The following TTN variants were observed in gnomAD, a reference collection of about 807,000 sequenced individuals.
The protein encoded by TTN is connectin.
A neutral mutation model predicts 3,223.0 loss-of-function variants in TTN; 1,525 were observed. The ratio of observed to expected loss-of-function variants is 0.47; its 90% CI spans 0.45 to 0.49. The LOEUF (loss-of-function observed/expected upper bound fraction) is 0.49. Ranked by LOEUF, TTN falls within the 20% of genes least tolerant of loss-of-function variation. TTN has a pLI of 0.00. For synonymous variants in TTN, 14,094 were observed against 15,161.0 expected, an observed-to-expected ratio of 0.93 and a Z score of 5.17; for missense variants, 40,786 against 43,424.0, an observed-to-expected ratio of 0.94 and a Z score of 5.40.
chr2:178,799,901 T>C lies in TTN; in HGVS notation c.593A>G (p.Glu198Gly). 1 of 1,613,968 alleles carries C rather than the reference T, an allele frequency of 6.2e-7. No individual in the cohort carries two copies. Among genetic ancestry groups the C allele is most frequent in the Non-Finnish European group, 8.5e-7 (1 of 1,179,920 alleles). ...TGTCTTTGTCTTTTTAGCAGGTACT[T>C]CTTCTTCACCTGTGGGAAGGGAAAG... ...TAELLVQGEE[E>G]VPAKKTKTIV... Residue 198 changes from glutamate to glycine, a missense_variant, in exon 5 of 363, where the codon GAA becomes GGA. By Grantham distance (98) the Glu-to-Gly change is moderately conservative. Transcript: ENST00000589042.
At position 178,721,101 on chromosome 2, in the gene TTN, C is replaced by T. The variant is rs1245374725; in HGVS notation, c.22918G>A (p.Val7640Ile). 1.9e-6 allele frequency: 3 copies of T among 1,613,344 alleles called. No homozygotes were observed. The highest frequency in any genetic ancestry group is 1.3e-5 in the African/African-American group (1 of 75,020). ...CKISGSPEIK[V>I]SWFRNDSELH... ...TCGCTGTCATTTCGGAACCATGAAA[C>T]TTTGATTTCTGGGGAGCCACTTATT... The change falls in exon 79 of 363, where the codon GTT becomes ATT. Residue 7640 changes from valine (V) to isoleucine (I), a missense_variant. By Grantham distance (29) the Val-to-Ile change is conservative. Coordinates refer to ENST00000589042, the MANE Select transcript of TTN (RefSeq NM_001267550.2).
chr2:178,701,447 C>G, intron 110 of TTN, 81 bp downstream of exon 110: 1 of 1,424,218 alleles, frequency 7.0e-7, no homozygotes, highest in Non-Finnish European at 9.6e-7. Context: ...GCAGTTTGGT[C>G]GCTGGTATAA....
intron 349 of TTN, 95 bp downstream of exon 349, chr2:178,542,169 T>C (rs2555811): frequency 7.8e-7 from 1 of 1,281,056 alleles, no homozygotes; most frequent in Non-Finnish European, 1.1e-6. Flanking sequence ...TGTGACCTAT[T>C]TTTATTTACA....
chr2:178,670,220 T>G lies in TTN; in HGVS notation c.35384A>C (p.Lys11795Thr), dbSNP rs890825956. The G allele has an allele frequency of 2.0e-6, 3 of 1,465,200 alleles. No homozygotes were observed. Among genetic ancestry groups the G allele is most frequent in the African/African-American group, 2.9e-5 (2 of 68,138 alleles). 90.8% of individuals were successfully genotyped at this position (1,465,200 alleles called of 1,614,324 possible). ...VPEEPRVPPT[K>T]APEVPKKIVP... Reference sequence around the variant, plus strand: ...GATGAATGAGAAAAGCCAGTTACCTTTAGTTGGTGGAACTCTGGGCTCTTC... The same window carrying G: ...GATGAATGAGAAAAGCCAGTTACCTGTAGTTGGTGGAACTCTGGGCTCTTC... Residue 11795 changes from lysine (K) to threonine (T), a missense_variant and splice_region_variant, in exon 157 of 363, where the codon AAA becomes ACA. Coordinates refer to ENST00000589042, the MANE Select transcript of TTN (RefSeq NM_001267550.2).
In TTN at chr2:178,566,301, T is replaced by C. The variant is rs745409995; in HGVS notation, c.79831A>G (p.Arg26611Gly). The part of the protein sequence containing the change: ...GIVVRAGGSA[R>G]IHIPFKGRPT... Reference sequence around the variant, plus strand: ...CGACCTTTGAATGGAATGTGAATTCTGGCAGATCCACCAGCTCTTACAACA... The same window carrying C: ...CGACCTTTGAATGGAATGTGAATTCCGGCAGATCCACCAGCTCTTACAACA... Residue 26611 changes from arginine to glycine, a missense_variant, in exon 326 of 363, where the codon AGA becomes GGA. Coordinates refer to ENST00000589042, the MANE Select transcript of TTN (RefSeq NM_001267550.2). The C allele has an allele frequency of 3.4e-5, 55 of 1,613,710 alleles. No individual in the cohort carries two copies. Among genetic ancestry groups the C allele is most frequent in the Non-Finnish European group, 4.7e-5 (55 of 1,179,700 alleles).
In TTN at chr2:178,578,576, A is replaced by G. The variant is rs757547039; in HGVS notation, c.68329+35T>C. The G allele has an allele frequency of 3.4e-6, 5 of 1,480,062 alleles. No individual in the cohort carries two copies. In the South Asian group the frequency reaches 5.9e-5, roughly 17 times the overall value. The allele number at this position is 1,480,062 out of a possible 1,614,324, so 91.7% of individuals were successfully genotyped here. A position where few individuals can be genotyped will look rare whatever the true frequency, so the allele number is the denominator to read the frequency against. ...AGGGAAATATTTGTGAGGAATCTTG[A>G]TGTAAAAGCTGTAGGATAAGAACAA... On this transcript the variant is annotated intron_variant, in intron 321 of 362. Transcript: ENST00000589042.
Position 178,562,717 on chromosome 2 carries a change from T to G in TTN, c.83415A>C (p.Lys27805Asn), listed in dbSNP as rs774475131. ...CATAGGCTTTTCTTGTAGTTTCTCG[T>G]TTTTCGACAATGTAGTTTGTAATCT... is the stretch of plus-strand genomic sequence containing the variant. ...GAKITNYIVE[K>N]RETTRKAYAT... The change falls in exon 326 of 363, where the codon AAA becomes AAC. Residue 27805 changes from lysine (K) to asparagine (N), a missense_variant. Transcript: ENST00000589042. 6.3e-7 allele frequency: 1 copy of G among 1,599,450 alleles called. No individual in the cohort carries two copies. The highest frequency in any genetic ancestry group is 1.1e-5 in the South Asian group (1 of 88,108).
chr2:178,695,349 T>G lies in TTN; in HGVS notation c.31269A>C (p.Lys10423Asn). ...ATTTAAATATTTCTAATTACTTACCTTTAGGAGGTGGTGGTGCTTTCTTTT... is the reference window on the plus strand; with the variant it reads ...ATTTAAATATTTCTAATTACTTACCGTTAGGAGGTGGTGGTGCTTTCTTTT... ...VPEKKAPPPP[K>N]VIKKPVIEKI... The change falls in exon 115 of 363, where the codon AAA becomes AAC. Residue 10423 changes from lysine (K) to asparagine (N), a missense_variant and splice_region_variant. Transcript: ENST00000589042. The G allele has an allele frequency of 6.2e-7, 1 of 1,611,160 alleles. No individual in the cohort carries two copies.
Position 178,577,802 on chromosome 2 carries a change from C to T in TTN, c.68624G>A (p.Gly22875Glu). 1 of 1,611,600 alleles carries T rather than the reference C, an allele frequency of 6.2e-7. No homozygotes were observed. The highest frequency in any genetic ancestry group is 8.5e-7 in the Non-Finnish European group (1 of 1,179,030). Residue 22875 changes from glycine (G) to glutamate (E), a missense_variant, in exon 323 of 363, where the codon GGA (glycine) becomes GAA (glutamate). By Grantham distance (98) the Gly-to-Glu change is moderately conservative. Transcript: ENST00000589042. ...TAGATCTCGCTTCTCCACTATATATCCAGTTAACTTATGACCACCGTCATA... is the reference window on the plus strand; with the variant it reads ...TAGATCTCGCTTCTCCACTATATATTCAGTTAACTTATGACCACCGTCATA... The part of the protein sequence containing the change: ...PKYDGGHKLT[G>E]YIVEKRDLPS...
intron 127 of TTN, among the ~76,000 whole-genome samples, chr2:178,686,604 T>C (rs2070997407): frequency 6.6e-6 from 1 of 151,844 alleles, no homozygotes. Flanking sequence ...TTTTGTAGAA[T>C]GGGGCTTGCT....
At chr2:178,749,880 C>T in intron 47 of TTN, 2 of 1,612,950 alleles carry the variant, frequency 1.2e-6, no homozygotes, top group Non-Finnish European at 1.7e-6. Context: ...ATGATGGAAT[C>T]CCCTTCTCTA....
At chr2:178,793,749 G>A (rs1174772593) in intron 8 of TTN, among the ~76,000 whole-genome samples, 2 of 152,122 alleles carry the variant, frequency 1.3e-5, no homozygotes, top group African/African-American at 2.4e-5. Flanking sequence ...GCAGTGAGCG[G>A]AGGTCATGCC....
chr2:178,729,341 A>G lies in TTN; in HGVS notation c.18815T>C (p.Ile6272Thr), dbSNP rs1274096400. ...DPSDTGEYQC[I>T]VSNEGGSCSC... ...GCAGCTGCCGCCTTCATTGGATACAATGCACTGGTATTCCCCAGTGTCTGA... is the reference window on the plus strand; with the variant it reads ...GCAGCTGCCGCCTTCATTGGATACAGTGCACTGGTATTCCCCAGTGTCTGA... The change falls in exon 64 of 363, where the codon ATT becomes ACT. Residue 6272 changes from isoleucine (I) to threonine (T), a missense_variant. Physicochemically the swap from Ile to Thr is moderately conservative, Grantham distance 89. Coordinates refer to ENST00000589042, the MANE Select transcript of TTN (RefSeq NM_001267550.2). The G allele has an allele frequency of 6.2e-7, 1 of 1,613,436 alleles. No individual in the cohort carries two copies. The highest frequency in any genetic ancestry group is 1.3e-5 in the African/African-American group (1 of 74,902).
intron 69 of TTN, chr2:178,726,310 C>T (rs950860484): frequency 2.6e-5 from 8 of 308,600 alleles, no homozygotes; most frequent in Admixed American, 4.9e-5. Flanking sequence ...ACTGATGTAT[C>T]TTAGGCTACA....
chr2:178,630,391 T>C, intron 238 of TTN, 24 bp from the exon 239 acceptor site: 1 of 1,576,826 alleles, frequency 6.3e-7, no homozygotes. Flanking sequence ...ACAGAAAAAC[T>C]TTCATAGAAA....
chr2:178,711,914 A>T (rs1050100884), intron 96 of TTN, 30 bp downstream of exon 96: 19 of 1,530,076 alleles, frequency 1.2e-5, no homozygotes, highest in Admixed American at 4.1e-5. Context: ...AGAAACACAA[A>T]TTCGTTCACT....
chr2:178,566,640 C>G lies in TTN; in HGVS notation c.79492G>C (p.Asp26498His), dbSNP rs1705981523. ...PGPPTNAHIV[D>H]TTKNSITLAW... ...AGTGTGATTGAATTTTTAGTGGTGT[C>G]TACAATGTGTGCATTGGTAGGTGGG... Residue 26498 changes from aspartate to histidine, a missense_variant, in exon 326 of 363, where the codon GAC becomes CAC. Transcript: ENST00000589042. The G allele has an allele frequency of 1.2e-6, 2 of 1,612,798 alleles. No individual in the cohort carries two copies. The highest frequency in any genetic ancestry group is 1.7e-6 in the Non-Finnish European group (2 of 1,179,674).
At chr2:178,745,556 T>C in intron 47 of TTN, 2 of 1,610,968 alleles carry the variant, frequency 1.2e-6, no homozygotes, top group Non-Finnish European at 1.7e-6. Flanking sequence ...TCAATGCTAA[T>C]AATTACTGAG....
At position 178,689,059 on chromosome 2, in the gene TTN, G is replaced by A. The variant is rs762542716; in HGVS notation, c.32089C>T (p.Pro10697Ser). 14 of 1,609,376 alleles carry A rather than the reference G, an allele frequency of 8.7e-6. No individual in the cohort carries two copies. The highest frequency in any genetic ancestry group is 1.1e-5 in the Non-Finnish European group (13 of 1,178,542). Residue 10697 changes from proline to serine, a missense_variant, in exon 125 of 363, where the codon CCC (proline) becomes TCC (serine). Transcript: ENST00000589042. Reference sequence around the variant, plus strand: ...GGATTGAGGCAAATCCTACCTCGGGGAGGAGGAGCTTTCTTAGCGACAGGA... The same window carrying A: ...GGATTGAGGCAAATCCTACCTCGGGAAGGAGGAGCTTTCTTAGCGACAGGA... Reference protein sequence around the residue: ...PVPVAKKAPPPRAEVSKKTVV... With the variant: ...PVPVAKKAPPSRAEVSKKTVV...
Sources: allele counts gnomAD v4.1 joint callset (sites outside exome capture counted in the v4.1 genomes callset), GRCh38; gene constraint gnomAD v4.1.1; transcripts MANE v1.5; gene names NCBI Gene and HGNC (gene_info 2026-07-23, HGNC 2026-07-21).